Variants in SARNP observed in about 807,000 individuals in gnomAD.
The protein encoded by SARNP is SAP domain containing ribonucleoprotein.
A neutral mutation model predicts 38.1 loss-of-function variants in SARNP; 5 were observed. The observed-to-expected ratio is 0.13, with a 90% CI of 0.07 to 0.28. The LOEUF (loss-of-function observed/expected upper bound fraction) is 0.28, where lower values mean the gene tolerates loss of function less well. Among genes scored for constraint, SARNP ranks in the 10% least tolerant of loss-of-function variants. The probability of loss-of-function intolerance (pLI) is 1.00; values close to 1 mark genes in which losing one functional copy is unlikely to be tolerated. For synonymous variants in SARNP, 84 were observed against 80.6 expected (o/e 1.04, Z -0.23); for missense variants, 180 against 243.9 (o/e 0.74, Z 1.75).
intron 1 of SARNP, among the ~76,000 whole-genome samples, chr12:55,806,825 A>G (rs1471188028): frequency 1.3e-5 from 2 of 152,264 alleles, no homozygotes; most frequent in Non-Finnish European, 2.9e-5. Context: ...GGCATGAGCC[A>G]CCGCGCCCGG....
chr12:55,756,992 C>T (rs1200716181), downstream of SARNP: 1 of 152,258 alleles, frequency 6.6e-6, no homozygotes, highest in Non-Finnish European at 1.5e-5. Flanking sequence ...CTAAAACCTC[C>T]CATGTTCTGT....
chr12:55,759,629 T>C (rs1194700167), intron 10 of SARNP, among the ~76,000 whole-genome samples: 2 of 152,180 alleles, frequency 1.3e-5, no homozygotes, highest in East Asian at 3.8e-4. Flanking sequence ...TTAGTAGAGA[T>C]GGGGTTTCAC....
chr12:55,778,518 T>C (rs564740629), intron 9 of SARNP, among the ~76,000 whole-genome samples: 3 of 152,150 alleles, frequency 2.0e-5, no homozygotes, highest in Admixed American at 1.3e-4. Flanking sequence ...AGAAAAGTAG[T>C]GTCTTTTTTT....
At chr12:55,794,602 A>G (rs1879767095) in intron 6 of SARNP, among the ~76,000 whole-genome samples, 1 of 152,206 alleles carries the variant, frequency 6.6e-6, no homozygotes, top group African/African-American at 2.4e-5. Flanking sequence ...TTTAACTGTT[A>G]CAAAAACCCT....
intron 9 of SARNP, among the ~76,000 whole-genome samples, chr12:55,763,346 C>G (rs1878733552): frequency 6.7e-6 from 1 of 150,114 alleles, no homozygotes; most frequent in Non-Finnish European, 1.5e-5. Context: ...GAGTCTCGCT[C>G]TGTCGCCCAG....
At chr12:55,787,514 A>G (rs979994771) in intron 9 of SARNP, among the ~76,000 whole-genome samples, 1 of 151,344 alleles carries the variant, frequency 6.6e-6, no homozygotes, top group Admixed American at 6.6e-5. Context: ...TCGGCTCACT[A>G]CAACCTCTGC....
Position 55,757,571 on chromosome 12 carries a change from G to A in SARNP, c.592-18C>T, listed in dbSNP as rs145539386. ...TTCTTTGCCTGTAAAGAAGAAGCAA[G>A]AAGAAAAAAATTAGACTGAAGACAA... On this transcript the variant is annotated intron_variant, in intron 10 of 10. Coordinates refer to ENST00000336133, the MANE Select transcript of SARNP (RefSeq NM_033082.4). 1,260 of 1,601,882 alleles carry A rather than the reference G, an allele frequency of 7.9e-4. 18 individuals are homozygous for A. In the Admixed American group the frequency reaches 0.015, roughly 20 times the overall value.
At chr12:55,753,643 GC>G (rs1565667543), downstream of SARNP, 1 of 151,968 alleles carries the variant, frequency 6.6e-6, no homozygotes, top group Admixed American at 6.6e-5. Flanking sequence ...GGTGGCGTGC[GC>G]CTGTAATCCC....
At chr12:55,803,800 C>T (rs987290723) in intron 1 of SARNP, 72 bp from the exon 2 acceptor site, 4 of 984,060 alleles carry the variant, frequency 4.1e-6, no homozygotes, top group African/African-American at 3.2e-5. Flanking sequence ...GTAGTTCCCA[C>T]AAGGAAAAGA....
At chr12:55,769,708 T>G (rs1000774332) in intron 9 of SARNP, among the ~76,000 whole-genome samples, 1 of 152,266 alleles carries the variant, frequency 6.6e-6, no homozygotes, top group African/African-American at 2.4e-5. Context: ...CGATGCATGC[T>G]CAGTAGAAAC....
rs371749469 is a variant in SARNP, at chr12:55,794,403, C to T, written c.378-16G>A. On this transcript the variant is annotated splice_polypyrimidine_tract_variant and intron_variant, in intron 6 of 10. Coordinates refer to ENST00000336133, the MANE Select transcript of SARNP (RefSeq NM_033082.4). ...AATCCCAAACCTGAAGAAGGAAAAA[C>T]AAACTAAATTTTAGGAAGCTGTTCA... 7.5e-6 allele frequency: 12 copies of T among 1,606,086 alleles called. No individual in the cohort carries two copies. Among genetic ancestry groups the T allele is most frequent in the Non-Finnish European group, 9.3e-6 (11 of 1,177,736 alleles).
downstream of SARNP, chr12:55,756,352 A>G (rs1326092460): frequency 2.0e-5 from 3 of 152,220 alleles, no homozygotes; most frequent in East Asian, 3.8e-4. Flanking sequence ...TAAATTATCT[A>G]AACTTTAGGT....
intron 9 of SARNP, among the ~76,000 whole-genome samples, chr12:55,764,722 C>T (rs1285703821): frequency 2.0e-5 from 3 of 149,966 alleles, no homozygotes; most frequent in Non-Finnish European, 4.4e-5. Context: ...GTAGTCCCTA[C>T]TCGGGAAGCT....
At chr12:55,816,340 A>C (rs901409971) in intron 1 of SARNP, among the ~76,000 whole-genome samples, 8 of 152,240 alleles carry the variant, frequency 5.3e-5, no homozygotes, top group Non-Finnish European at 8.8e-5. Flanking sequence ...TATATAAACA[A>C]AGTGGAGATG....
chr12:55,803,257 G>A (rs551959375), intron 2 of SARNP, among the ~76,000 whole-genome samples: 62 of 152,202 alleles, frequency 4.1e-4, no homozygotes, highest in African/African-American at 1.5e-3. Flanking sequence ...GCTGAGGCGG[G>A]TGGCTCACCT....
At chr12:55,782,983 C>T (rs1454332373) in intron 9 of SARNP, among the ~76,000 whole-genome samples, 5 of 151,962 alleles carry the variant, frequency 3.3e-5, no homozygotes, top group East Asian at 2.0e-4. Flanking sequence ...TGGTGGCGCA[C>T]GCCTGTAGTC....
In SARNP at chr12:55,785,758, A is replaced by T. The variant is rs569817444; in HGVS notation, c.501+3317T>A. ...ACCATTGCACTCCAGCCTGGGTGAC[A>T]GAACAAAACCCTGTCTCAGACAAAA... is the stretch of plus-strand genomic sequence containing the variant. On this transcript the variant is annotated intron_variant, in intron 9 of 10. Transcript: ENST00000336133. Among the ~76,000 whole-genome samples the T allele has an allele frequency of 3.3e-5, 5 of 151,576 alleles. 1 individual carries two copies. In the South Asian group the frequency reaches 1.0e-3, roughly 32 times the overall value.
intron 3 of SARNP, 50 bp downstream of exon 3, chr12:55,800,804 C>T (rs1355542244): frequency 6.6e-7 from 1 of 1,515,762 alleles, no homozygotes; most frequent in South Asian, 1.1e-5. Flanking sequence ...AGCAATGTGG[C>T]CAAAGCAGTG....
chr12:55,804,645 T>C (rs531890352), intron 1 of SARNP, among the ~76,000 whole-genome samples: 1 of 152,266 alleles, frequency 6.6e-6, no homozygotes, highest in African/African-American at 2.4e-5. Context: ...CATAGGTAAC[T>C]GAAATATAGA....
Sources: allele counts gnomAD v4.1 joint callset (sites outside exome capture counted in the v4.1 genomes callset), GRCh38; gene constraint gnomAD v4.1.1; transcripts MANE v1.5; gene names NCBI Gene and HGNC (gene_info 2026-07-23, HGNC 2026-07-21).